SOX6: variants seen among roughly 807,000 people sequenced by gnomAD.
SOX6 encodes SRY-box transcription factor 6.
A neutral mutation model predicts 97.8 loss-of-function variants in SOX6; 11 were observed. That is an observed-to-expected ratio of 0.11 (90% CI 0.07 to 0.19). The LOEUF is 0.19. SOX6 is among the 10% of genes least tolerant of loss of function. SOX6 has a pLI of 1.00. For synonymous variants in SOX6, 360 were observed against 371.4 expected, an observed-to-expected ratio of 0.97 and a Z score of 0.35; for missense variants, 810 against 1,039.5, an observed-to-expected ratio of 0.78 and a Z score of 3.04.
chr11:16,327,633 T>C (rs1410341410), intron 2 of SOX6, among the ~76,000 whole-genome samples: 4 of 152,108 alleles, frequency 2.6e-5, no homozygotes, highest in Admixed American at 1.3e-4. Flanking sequence ...TACAGTACAC[T>C]ACCGCTCTTA....
chr11:16,504,479 C>G (rs1860753812), intron 4 of SOX6, among the ~76,000 whole-genome samples: 2 of 151,766 alleles, frequency 1.3e-5, no homozygotes, highest in South Asian at 2.1e-4. Context: ...AGAGGGCAAT[C>G]CTATTTACAA....
At chr11:16,199,621 A>T (rs1368081008) in intron 4 of SOX6, among the ~76,000 whole-genome samples, 1 of 152,208 alleles carries the variant, frequency 6.6e-6, no homozygotes, top group African/African-American at 2.4e-5. Flanking sequence ...ATTTTAAAAC[A>T]TTAAAGTACG....
intron 13 of SOX6, among the ~76,000 whole-genome samples, chr11:16,013,706 C>T (rs967907516): frequency 6.8e-6 from 1 of 148,006 alleles, no homozygotes; most frequent in South Asian, 2.3e-4. Flanking sequence ...CACCTGGTCT[C>T]CCAAACTATC....
At chr11:16,333,653 G>A (rs887769879) in intron 2 of SOX6, among the ~76,000 whole-genome samples, 1 of 151,682 alleles carries the variant, frequency 6.6e-6, no homozygotes, top group African/African-American at 2.4e-5. Context: ...AAAGATAAAA[G>A]CTGAGTAGAA....
At position 16,721,225 on chromosome 11, in the gene SOX6, C is replaced by T. The variant is rs533988483; in HGVS notation, n.354-6320G>A. On this transcript the variant is annotated intron_variant and non_coding_transcript_variant, in intron 2 of 5. Transcript: ENST00000524520. Reference sequence around the variant, plus strand: ...TTCCTAAGATTTAGGGGGTTAGAGGCCCCACTCAGAAAAGTCTACATTGGT... The same window carrying T: ...TTCCTAAGATTTAGGGGGTTAGAGGTCCCACTCAGAAAAGTCTACATTGGT... 7.2e-5 allele frequency among the ~76,000 whole-genome samples: 11 copies of T among 152,278 alleles called. No individual in the cohort carries two copies. The East Asian group carries it at 1.7e-3, about 24-fold the overall frequency.
chr11:16,637,955 C>A (rs1848817318), intron 3 of SOX6, among the ~76,000 whole-genome samples: 1 of 150,702 alleles, frequency 6.6e-6, no homozygotes, highest in African/African-American at 2.4e-5. Flanking sequence ...GGTACATGTG[C>A]ACAATGTGCA....
intron 1 of SOX6, among the ~76,000 whole-genome samples, chr11:16,393,477 T>C (rs1049532693): frequency 6.6e-6 from 1 of 152,104 alleles, no homozygotes; most frequent in Non-Finnish European, 1.5e-5. Context: ...TCACTTTCTC[T>C]TTTAAAATAT....
intron 3 of SOX6, among the ~76,000 whole-genome samples, chr11:16,656,852 GAGAA>G (rs1242787906): frequency 2.0e-5 from 3 of 151,996 alleles, no homozygotes; most frequent in Non-Finnish European, 4.4e-5. Context: ...TTGGTCAGAC[GAGAA>G]AGAAAGTTCT....
At chr11:16,690,088 C>A (rs1329616666) in intron 3 of SOX6, among the ~76,000 whole-genome samples, 3 of 152,132 alleles carry the variant, frequency 2.0e-5, no homozygotes, top group African/African-American at 7.2e-5. Context: ...CCACACCCAG[C>A]TAACTTTTAT....
At chr11:16,157,497 C>T (rs756229935) in intron 6 of SOX6, among the ~76,000 whole-genome samples, 1 of 152,010 alleles carries the variant, frequency 6.6e-6, no homozygotes, top group Non-Finnish European at 1.5e-5. Flanking sequence ...CCTGTATTTA[C>T]ATGTTCTGTC....
At chr11:16,090,054 GT>G (rs1400004848) in intron 9 of SOX6, among the ~76,000 whole-genome samples, 5 of 152,010 alleles carry the variant, frequency 3.3e-5, no homozygotes, top group African/African-American at 1.2e-4. Context: ...TAAAACTTCA[GT>G]TTGGTAAAAC....
chr11:16,013,307 A>G (rs955311314), intron 13 of SOX6, among the ~76,000 whole-genome samples: 1 of 152,060 alleles, frequency 6.6e-6, no homozygotes, highest in Non-Finnish European at 1.5e-5. Context: ...GGTACTCTGC[A>G]GTACAATCTC....
intron 4 of SOX6, among the ~76,000 whole-genome samples, chr11:16,218,591 T>C (rs1212552621): frequency 6.6e-6 from 1 of 152,140 alleles, no homozygotes; most frequent in African/African-American, 2.4e-5. Flanking sequence ...CAAATGTTAA[T>C]AGGAATGTAA....
At chr11:16,144,014 T>C (rs1424747528) in intron 6 of SOX6, among the ~76,000 whole-genome samples, 3 of 152,172 alleles carry the variant, frequency 2.0e-5, no homozygotes. Context: ...AATAGACATA[T>C]ACAGAACTCT....
intron 6 of SOX6, among the ~76,000 whole-genome samples, chr11:16,163,933 A>T (rs1037962840): frequency 2.0e-5 from 3 of 152,196 alleles, no homozygotes; most frequent in African/African-American, 7.2e-5. Context: ...TCTGAAAGAG[A>T]CAGGTTGCGA....
intron 4 of SOX6, among the ~76,000 whole-genome samples, chr11:16,604,370 G>C (rs763595945): frequency 3.9e-5 from 6 of 152,162 alleles, no homozygotes; most frequent in Non-Finnish European, 8.8e-5. Context: ...TGTTCTCCTC[G>C]GGACCCGGGG....
intron 3 of SOX6, among the ~76,000 whole-genome samples, chr11:16,262,592 A>T (rs1853937113): frequency 6.6e-6 from 1 of 152,102 alleles, no homozygotes. Flanking sequence ...AAACTGTCAC[A>T]AGGGTGATAG....
At chr11:16,641,098 T>C (rs1343859335) in intron 3 of SOX6, among the ~76,000 whole-genome samples, 2 of 152,266 alleles carry the variant, frequency 1.3e-5, no homozygotes, top group African/African-American at 4.8e-5. Flanking sequence ...CCAGAGATTC[T>C]GGTATGCTGT....
intron 1 of SOX6, among the ~76,000 whole-genome samples, chr11:16,471,278 C>A (rs1391597789): frequency 6.6e-6 from 1 of 151,866 alleles, no homozygotes; most frequent in Non-Finnish European, 1.5e-5. Flanking sequence ...AGAAAAAAAA[C>A]ACTAGAATAA....
Sources: gnomAD v4.1 joint callset for allele counts (sites outside exome capture counted in the v4.1 genomes callset) on GRCh38, gnomAD v4.1.1 for gene constraint, MANE v1.5 for transcripts, NCBI Gene and HGNC (gene_info 2026-07-23, HGNC 2026-07-21) for gene names.